EFCAB5: variants seen among roughly 807,000 people sequenced by gnomAD.
The protein encoded by EFCAB5 is EF-hand calcium binding domain 5, also known as EF-hand calcium-binding domain-containing protein 5.
In EFCAB5, 131 loss-of-function variants were observed where a neutral mutation model predicts 167.9. That is an observed-to-expected ratio of 0.78 (90% CI 0.68 to 0.90). EFCAB5 has a LOEUF of 0.90. Ranked by LOEUF, EFCAB5 falls within the 40% of genes least tolerant of loss-of-function variation. EFCAB5 has a pLI of 0.00. For missense variants in EFCAB5, 1,663 were observed against 1,745.2 expected (o/e 0.95, Z 0.84); for synonymous variants, 574 against 602.8 (o/e 0.95, Z 0.70).
intron 4 of EFCAB5, among the ~76,000 whole-genome samples, chr17:29,989,782 A>G (rs1265320175): frequency 6.6e-6 from 1 of 152,102 alleles, no homozygotes; most frequent in African/African-American, 2.4e-5. Context: ...GTTTCTCTTT[A>G]CTTAGTGGCC....
chr17:30,078,386 T>C lies in EFCAB5; in HGVS notation c.2909T>C (p.Ile970Thr), dbSNP rs772115213. Residue 970 changes from isoleucine (I) to threonine (T), a missense_variant, in exon 15 of 23, where the codon ATT (isoleucine) becomes ACT (threonine). Coordinates refer to ENST00000394835, the MANE Select transcript of EFCAB5 (RefSeq NM_198529.4). ...FLMNALERSHIESLRNSARRK... is the reference protein window; with the variant it reads ...FLMNALERSHTESLRNSARRK... ...ATGAATGCTTTAGAGAGGAGCCACA[T>C]TGAGAGTCTGAGGAATTCTGCCAGG... 8.1e-6 allele frequency: 13 copies of C among 1,613,874 alleles called. No individual in the cohort carries two copies. The highest frequency in any genetic ancestry group is 2.2e-5 in the East Asian group (1 of 44,898).
At chr17:29,958,691 T>C (rs1036510779) in intron 3 of EFCAB5, among the ~76,000 whole-genome samples, 2 of 152,204 alleles carry the variant, frequency 1.3e-5, no homozygotes, top group Admixed American at 6.5e-5. Context: ...TGGATGTTCA[T>C]TGATGTCTGG....
At chr17:29,993,743 G>T (rs991237932) in intron 5 of EFCAB5, among the ~76,000 whole-genome samples, 5 of 152,036 alleles carry the variant, frequency 3.3e-5, no homozygotes, top group Non-Finnish European at 7.4e-5. Context: ...TAGATACAAT[G>T]CTAAGCATAT....
intron 3 of EFCAB5, among the ~76,000 whole-genome samples, chr17:29,956,578 T>C (rs188776445): frequency 1.2e-3 from 186 of 152,348 alleles, no homozygotes; most frequent in African/African-American, 4.3e-3. Context: ...CACATCAAGT[T>C]TGGTTACAGT....
At chr17:29,991,019 C>T (rs531133527) in intron 4 of EFCAB5, among the ~76,000 whole-genome samples, 61 of 152,264 alleles carry the variant, frequency 4.0e-4, no homozygotes, top group African/African-American at 7.0e-4. Flanking sequence ...GTCACCTCTT[C>T]GGTTACTTCA....
At chr17:30,028,984 G>A (rs1317391706) in intron 7 of EFCAB5, among the ~76,000 whole-genome samples, 2 of 152,058 alleles carry the variant, frequency 1.3e-5, no homozygotes, top group Non-Finnish European at 2.9e-5. Context: ...GATACCGAGG[G>A]TTAGGCTGTC....
intron 6 of EFCAB5, among the ~76,000 whole-genome samples, chr17:29,998,385 A>G (rs962283227): frequency 2.0e-5 from 3 of 152,168 alleles, no homozygotes; most frequent in Non-Finnish European, 4.4e-5. Flanking sequence ...CTCCTATACT[A>G]CAGTATTTAT....
intron 1 of EFCAB5, among the ~76,000 whole-genome samples, chr17:29,932,921 T>C (rs1236381170): frequency 6.6e-6 from 1 of 152,216 alleles, no homozygotes; most frequent in Non-Finnish European, 1.5e-5. Flanking sequence ...AGGAAGTTAA[T>C]TTATTAATTT....
chr17:30,035,024 A>C (rs2069579866), intron 8 of EFCAB5, among the ~76,000 whole-genome samples: 1 of 152,200 alleles, frequency 6.6e-6, no homozygotes, highest in Non-Finnish European at 1.5e-5. Context: ...AGTTACTTCA[A>C]ATGTAGGCAA....
intron 22 of EFCAB5, among the ~76,000 whole-genome samples, chr17:30,096,531 C>T (rs1304144907): frequency 6.6e-6 from 1 of 151,150 alleles, no homozygotes; most frequent in African/African-American, 2.4e-5. Context: ...CCAGCCTGGG[C>T]AACATAGTGG....
chr17:30,097,450 C>T (rs2071319993), intron 22 of EFCAB5, among the ~76,000 whole-genome samples: 1 of 152,190 alleles, frequency 6.6e-6, no homozygotes, highest in Admixed American at 6.5e-5. Context: ...TCTTCAGTCC[C>T]CCTCGCCAGG....
chr17:30,058,244 G>T (rs1338087615), intron 13 of EFCAB5, among the ~76,000 whole-genome samples: 1 of 152,124 alleles, frequency 6.6e-6, no homozygotes, highest in Admixed American at 6.6e-5. Context: ...CACACCTGGG[G>T]TATGATTATG....
At chr17:29,951,535 T>G (rs1320062727) in intron 3 of EFCAB5, among the ~76,000 whole-genome samples, 2 of 151,740 alleles carry the variant, frequency 1.3e-5, no homozygotes, top group African/African-American at 2.4e-5. Flanking sequence ...ATTTTTTTTT[T>G]TAGTAGAGAC....
intron 22 of EFCAB5, among the ~76,000 whole-genome samples, chr17:30,104,905 T>A (rs1299596952): frequency 6.6e-6 from 1 of 152,150 alleles, no homozygotes; most frequent in Non-Finnish European, 1.5e-5. Context: ...CCCGTGTCGT[T>A]GAATCACCAT....
intron 1 of EFCAB5, 139 bp from the exon 2 acceptor site, chr17:29,942,101 G>A: frequency 1.3e-6 from 1 of 786,104 alleles, no homozygotes; most frequent in Non-Finnish European, 2.0e-6. Context: ...CAACTACTTT[G>A]TGTAATTTTA....
intron 7 of EFCAB5, among the ~76,000 whole-genome samples, chr17:30,025,612 G>A (rs1424920315): frequency 7.9e-5 from 12 of 152,158 alleles, no homozygotes; most frequent in Admixed American, 1.3e-4. Context: ...TCAGTGTGGC[G>A]ATTCCTCAGG....
chr17:30,086,530 G>A (rs2071091332), intron 18 of EFCAB5, among the ~76,000 whole-genome samples: 1 of 152,018 alleles, frequency 6.6e-6, no homozygotes, highest in Non-Finnish European at 1.5e-5. Flanking sequence ...TGGATCACCT[G>A]AGGTCAGGAG....
At position 30,053,477 on chromosome 17, in the gene EFCAB5, A is replaced by G. The variant is rs1356432881; in HGVS notation, c.1523A>G (p.Gln508Arg). 3.7e-6 allele frequency: 6 copies of G among 1,614,064 alleles called. No individual in the cohort carries two copies. The South Asian group carries it at 6.6e-5, about 18-fold the overall frequency. Residue 508 changes from glutamine (Q) to arginine (R), a missense_variant, in exon 10 of 23, where the codon CAG becomes CGG. Coordinates refer to ENST00000394835, the MANE Select transcript of EFCAB5 (RefSeq NM_198529.4). ...ACACCATCACCAAACCCGCCAGAAC[A>G]GCAGAGAGGAGTAACTGCAGAACAA... The part of the protein sequence containing the change: ...TSTPSPNPPE[Q>R]QRGVTAEQGP...
chr17:30,056,228 T>G (rs1048934652), intron 12 of EFCAB5, 72 bp downstream of exon 12: 11 of 1,365,292 alleles, frequency 8.1e-6, no homozygotes, highest in Non-Finnish European at 1.0e-5. Flanking sequence ...TGGTACTCGA[T>G]GATAAAGACT....
Sources: allele counts gnomAD v4.1 joint callset (sites outside exome capture counted in the v4.1 genomes callset), GRCh38; gene constraint gnomAD v4.1.1; transcripts MANE v1.5; gene names NCBI Gene and HGNC (gene_info 2026-07-23, HGNC 2026-07-21).